Variants in MAGI2 observed in about 807,000 individuals in gnomAD.
MAGI2 encodes membrane associated guanylate kinase, WW and PDZ domain containing 2.
A neutral mutation model predicts 133.3 loss-of-function variants in MAGI2; 35 were observed. The observed-to-expected ratio is 0.26, with a 90% CI of 0.20 to 0.35. MAGI2 has a LOEUF of 0.35. Ranked by LOEUF, MAGI2 falls within the 10% of genes least tolerant of loss-of-function variation. The pLI, the probability that MAGI2 is intolerant of heterozygous loss-of-function variation, is 1.00. For synonymous variants in MAGI2, 729 were observed against 710.6 expected (o/e 1.03, Z -0.41); for missense variants, 1,636 against 1,863.4 (o/e 0.88, Z 2.25).
intron 2 of MAGI2, among the ~76,000 whole-genome samples, chr7:78,664,056 T>C (rs546954887): frequency 1.3e-5 from 2 of 152,344 alleles, no homozygotes; most frequent in South Asian, 4.1e-4. Context: ...TTTCAGTCTG[T>C]AGCAACTGGA....
intron 2 of MAGI2, among the ~76,000 whole-genome samples, chr7:78,659,424 C>CAAAAAAAA (rs71085553): frequency 3.0e-4 from 7 of 23,660 alleles, no homozygotes; most frequent in Admixed American, 7.3e-4. Flanking sequence ...GACTTCATCT[C>CAAAAAAAA]AAAAAAAAAA....
rs116645355 is a variant in MAGI2, at chr7:78,544,139, A to T, written c.539-22494T>A. Among the ~76,000 whole-genome samples the T allele has an allele frequency of 5.9e-3, 894 of 152,332 alleles. 9 individuals are homozygous for T. The highest frequency in any genetic ancestry group is 0.021 in the African/African-American group (873 of 41,572). On this transcript the variant is annotated intron_variant, in intron 3 of 21. Coordinates refer to ENST00000354212, the MANE Select transcript of MAGI2 (RefSeq NM_012301.4). ...CCAGGGACTGGAAATGGAATATGAA[A>T]CTTCTGACCCAAAGGTCATTGGCTC...
At chr7:78,605,859 C>T (rs1009103608) in intron 3 of MAGI2, among the ~76,000 whole-genome samples, 3 of 152,100 alleles carry the variant, frequency 2.0e-5, no homozygotes, top group Non-Finnish European at 4.4e-5. Context: ...GAGACTGTGA[C>T]GGGAGGTACT....
At chr7:78,584,683 A>G (rs1461902491) in intron 3 of MAGI2, among the ~76,000 whole-genome samples, 1 of 152,150 alleles carries the variant, frequency 6.6e-6, no homozygotes, top group East Asian at 1.9e-4. Context: ...GTGTGATTGA[A>G]GAAGGTGGCT....
At chr7:78,749,884 T>C (rs1239989254) in intron 2 of MAGI2, among the ~76,000 whole-genome samples, 3 of 151,974 alleles carry the variant, frequency 2.0e-5, no homozygotes, top group African/African-American at 4.8e-5. Flanking sequence ...GAAATACATA[T>C]TGAGAATTTT....
chr7:79,339,123 A>G (rs985026934), intron 1 of MAGI2, among the ~76,000 whole-genome samples: 3 of 152,154 alleles, frequency 2.0e-5, no homozygotes, highest in Admixed American at 6.6e-5. Flanking sequence ...TTTTAAGAGT[A>G]TCTTCTTGGG....
At chr7:78,876,049 G>A (rs1334260110) in intron 2 of MAGI2, among the ~76,000 whole-genome samples, 3 of 152,214 alleles carry the variant, frequency 2.0e-5, no homozygotes, top group South Asian at 2.1e-4. Context: ...CATGCCGGGG[G>A]CAGTGGCTCA....
intron 1 of MAGI2, among the ~76,000 whole-genome samples, chr7:79,067,045 G>A (rs1315021164): frequency 6.6e-6 from 1 of 152,134 alleles, no homozygotes; most frequent in Non-Finnish European, 1.5e-5. Flanking sequence ...GTGGCATGAT[G>A]CCTCCAGCTT....
intron 1 of MAGI2, among the ~76,000 whole-genome samples, chr7:79,144,683 G>C (rs1034090190): frequency 2.0e-5 from 3 of 152,172 alleles, no homozygotes; most frequent in African/African-American, 7.2e-5. Context: ...AACTACCTAA[G>C]AAGCAGGTGA....
intron 6 of MAGI2, among the ~76,000 whole-genome samples, chr7:78,488,884 A>T (rs1164314047): frequency 6.6e-6 from 1 of 152,056 alleles, no homozygotes; most frequent in Admixed American, 6.6e-5. Flanking sequence ...TTAACTTTTT[A>T]AAAACTTTGT....
chr7:79,116,964 C>T (rs950688630), intron 1 of MAGI2, among the ~76,000 whole-genome samples: 2 of 152,128 alleles, frequency 1.3e-5, no homozygotes, highest in Non-Finnish European at 2.9e-5. Context: ...ATAAATTACC[C>T]AGCCTCAGGG....
At chr7:79,360,273 T>A (rs1222312778) in intron 1 of MAGI2, among the ~76,000 whole-genome samples, 3 of 152,048 alleles carry the variant, frequency 2.0e-5, no homozygotes, top group African/African-American at 7.2e-5. Context: ...ATAATAAAAG[T>A]AAGGTATTTC....
intron 3 of MAGI2, among the ~76,000 whole-genome samples, chr7:78,597,378 G>A (rs867733601): frequency 6.7e-6 from 1 of 150,292 alleles, no homozygotes; most frequent in African/African-American, 2.4e-5. Flanking sequence ...ATTCCTTGGG[G>A]GGGGGGGTCT....
intron 9 of MAGI2, among the ~76,000 whole-genome samples, chr7:78,278,554 CTG>C (rs2151004568): frequency 6.6e-6 from 1 of 152,220 alleles, no homozygotes; most frequent in Non-Finnish European, 1.5e-5. Context: ...GTTGGCTAGA[CTG>C]TAGTCCCAAT....
intron 2 of MAGI2, among the ~76,000 whole-genome samples, chr7:78,986,554 A>G (rs1484528877): frequency 6.6e-6 from 1 of 151,828 alleles, no homozygotes; most frequent in Non-Finnish European, 1.5e-5. Context: ...GCCTTGTTGT[A>G]GAGATGAGCA....
At chr7:78,891,478 A>G (rs2151570008) in intron 2 of MAGI2, among the ~76,000 whole-genome samples, 1 of 152,336 alleles carries the variant, frequency 6.6e-6, no homozygotes, top group South Asian at 2.1e-4. Context: ...AAACATCCTC[A>G]ATAAAATACT....
intron 2 of MAGI2, among the ~76,000 whole-genome samples, chr7:78,826,698 T>C (rs1416279667): frequency 3.3e-5 from 5 of 152,264 alleles, no homozygotes; most frequent in Admixed American, 2.0e-4. Context: ...TAGGATGAAA[T>C]GTAGAATGTG....
intron 1 of MAGI2, among the ~76,000 whole-genome samples, chr7:79,221,778 A>T (rs1189303776): frequency 6.6e-6 from 1 of 152,016 alleles, no homozygotes; most frequent in East Asian, 1.9e-4. Context: ...AATGGATTAG[A>T]GTAGGCAAGA....
chr7:79,049,725 T>A (rs1377746811), intron 1 of MAGI2, among the ~76,000 whole-genome samples: 1 of 152,152 alleles, frequency 6.6e-6, no homozygotes, highest in Non-Finnish European at 1.5e-5. Flanking sequence ...TCTCATATTT[T>A]TATACATACT....
Sources: allele counts gnomAD v4.1 joint callset (sites outside exome capture counted in the v4.1 genomes callset), GRCh38; gene constraint gnomAD v4.1.1; transcripts MANE v1.5; gene names NCBI Gene and HGNC (gene_info 2026-07-23, HGNC 2026-07-21).